The following PLCXD3 variants were observed in gnomAD, a reference collection of about 807,000 sequenced individuals.
The protein encoded by PLCXD3 is PI-PLC X domain-containing protein 3.
PLCXD3 carries 19 observed loss-of-function variants against 25.5 expected under a neutral mutation model. The observed-to-expected ratio is 0.75, with a 90% confidence interval of 0.52 to 1.09. The LOEUF (loss-of-function observed/expected upper bound fraction) is 1.09, where lower values mean the gene tolerates loss of function less well. PLCXD3 is among the 50% of genes least tolerant of loss of function. The pLI is 0.00. For synonymous variants in PLCXD3, 174 were observed against 137.6 expected, an observed-to-expected ratio of 1.26 and a Z score of -1.85; for missense variants, 411 against 388.1, an observed-to-expected ratio of 1.06 and a Z score of -0.50.
chr5:41,373,551 T>G (rs1051513774), intron 2 of PLCXD3, among the ~76,000 whole-genome samples: 1 of 152,164 alleles, frequency 6.6e-6, no homozygotes, highest in Non-Finnish European at 1.5e-5. Flanking sequence ...CAGTTTCTAC[T>G]GGAGGCTACA....
At chr5:41,432,094 G>A (rs942468150) in intron 1 of PLCXD3, among the ~76,000 whole-genome samples, 3 of 152,140 alleles carry the variant, frequency 2.0e-5, no homozygotes, top group Non-Finnish European at 4.4e-5. Flanking sequence ...ACTCTCTAAT[G>A]TCCACGACAA....
At chr5:41,378,045 C>T (rs540146616) in intron 2 of PLCXD3, among the ~76,000 whole-genome samples, 28 of 152,122 alleles carry the variant, frequency 1.8e-4, no homozygotes, top group South Asian at 4.1e-4. Context: ...TGCACAAAAG[C>T]GAGGACAATG....
chr5:41,314,730 A>G (rs1470873070), intron 2 of PLCXD3, among the ~76,000 whole-genome samples: 3 of 152,122 alleles, frequency 2.0e-5, no homozygotes, highest in African/African-American at 4.8e-5. Context: ...AAATGAGGAT[A>G]CTGAGGAAAA....
At chr5:41,490,767 G>A (rs1199377657) in intron 1 of PLCXD3, among the ~76,000 whole-genome samples, 7 of 152,244 alleles carry the variant, frequency 4.6e-5, no homozygotes, top group African/African-American at 1.7e-4. Flanking sequence ...ATTTCTGTGG[G>A]ATCGGTGGTG....
intron 1 of PLCXD3, among the ~76,000 whole-genome samples, chr5:41,490,878 G>A (rs1206619250): frequency 2.0e-5 from 3 of 151,912 alleles, no homozygotes; most frequent in Non-Finnish European, 4.4e-5. Context: ...ATCCTTTCAA[G>A]AAACCAGCTC....
intron 1 of PLCXD3, among the ~76,000 whole-genome samples, chr5:41,506,613 A>G (rs1749056585): frequency 6.6e-6 from 1 of 152,228 alleles, no homozygotes; most frequent in South Asian, 2.1e-4. Flanking sequence ...AAGAGGAGGA[A>G]GATGGTTGGC....
chr5:41,314,272 T>C (rs1743225723), intron 2 of PLCXD3, among the ~76,000 whole-genome samples: 1 of 152,162 alleles, frequency 6.6e-6, no homozygotes, highest in African/African-American at 2.4e-5. Flanking sequence ...AAGGAAGAAA[T>C]TGTAGCACAA....
intron 1 of PLCXD3, among the ~76,000 whole-genome samples, chr5:41,414,363 C>A (rs1341192454): frequency 6.6e-6 from 1 of 152,008 alleles, no homozygotes; most frequent in African/African-American, 2.4e-5. Context: ...CCACCATGCT[C>A]GGCTAATTTT....
chr5:41,319,214 A>G (rs1346085356), intron 2 of PLCXD3, among the ~76,000 whole-genome samples: 1 of 152,222 alleles, frequency 6.6e-6, no homozygotes, highest in Non-Finnish European at 1.5e-5. Context: ...TCTTCCAGAC[A>G]GAAAATCAAG....
intron 1 of PLCXD3, among the ~76,000 whole-genome samples, chr5:41,475,227 C>A (rs116074105): frequency 0.011 from 1,629 of 152,314 alleles, 20 homozygotes; most frequent in Non-Finnish European, 0.017. Flanking sequence ...GGGCACTGAC[C>A]AGTACCTTTT....
chr5:41,385,092 A>G (rs1745595862), intron 1 of PLCXD3, among the ~76,000 whole-genome samples: 1 of 152,102 alleles, frequency 6.6e-6, no homozygotes, highest in Non-Finnish European at 1.5e-5. Context: ...CAACATTTTC[A>G]CTGAACTAGT....
intron 1 of PLCXD3, among the ~76,000 whole-genome samples, chr5:41,461,119 G>A (rs551221170): frequency 6.6e-6 from 1 of 151,938 alleles, no homozygotes; most frequent in African/African-American, 2.4e-5. Context: ...TATTACATTG[G>A]TTTATTGGTA....
chr5:41,334,944 G>C (rs749259969), intron 2 of PLCXD3, among the ~76,000 whole-genome samples: 2 of 152,130 alleles, frequency 1.3e-5, no homozygotes, highest in Non-Finnish European at 2.9e-5. Flanking sequence ...GGGAATGAAA[G>C]AATAAAGAAA....
chr5:41,481,171 C>G (rs544547238), intron 1 of PLCXD3, among the ~76,000 whole-genome samples: 9 of 149,706 alleles, frequency 6.0e-5, no homozygotes, highest in Non-Finnish European at 1.0e-4. Context: ...TCCAACAGCT[C>G]TCTCTCTGTC....
At chr5:41,462,396 T>C (rs1747908192) in intron 1 of PLCXD3, among the ~76,000 whole-genome samples, 1 of 152,050 alleles carries the variant, frequency 6.6e-6, no homozygotes, top group African/African-American at 2.4e-5. Flanking sequence ...AGATGGTATG[T>C]TGGCATTTGG....
chr5:41,318,487 G>A (rs928655409), intron 2 of PLCXD3, among the ~76,000 whole-genome samples: 18 of 152,006 alleles, frequency 1.2e-4, no homozygotes, highest in African/African-American at 3.9e-4. Flanking sequence ...TTTACTTTTT[G>A]TTTGTTTACT....
intron 2 of PLCXD3, among the ~76,000 whole-genome samples, chr5:41,339,962 G>C (rs1312943299): frequency 6.6e-6 from 1 of 152,184 alleles, no homozygotes; most frequent in African/African-American, 2.4e-5. Flanking sequence ...TCGCCATAGA[G>C]AGGGCCAGAG....
intron 1 of PLCXD3, among the ~76,000 whole-genome samples, chr5:41,388,487 A>G (rs1745708874): frequency 6.6e-6 from 1 of 152,046 alleles, no homozygotes; most frequent in Non-Finnish European, 1.5e-5. Flanking sequence ...ACTGCCCTGA[A>G]TGGTACCCTC....
chr5:41,313,856 T>C, intron 2 of PLCXD3, 86 bp from the exon 3 acceptor site: 2 of 1,408,588 alleles, frequency 1.4e-6, no homozygotes, highest in Non-Finnish European at 1.9e-6. Context: ...CTTTAGTTTC[T>C]AGCTTATTAA....
Sources: gnomAD v4.1 joint callset for allele counts (sites outside exome capture counted in the v4.1 genomes callset) on GRCh38, gnomAD v4.1.1 for gene constraint, MANE v1.5 for transcripts, NCBI Gene and HGNC (gene_info 2026-07-23, HGNC 2026-07-21) for gene names.